DYNLT2: variants seen among roughly 807,000 people sequenced by gnomAD.
DYNLT2 encodes dynein light chain Tctex-type protein 2.
Under a neutral mutation model 24.3 loss-of-function variants are expected in DYNLT2, and 24 were observed. The observed-to-expected ratio is 0.99, with a 90% CI of 0.71 to 1.39. The LOEUF is 1.39. Ranked by LOEUF, DYNLT2 falls within the 40% of genes most tolerant of loss-of-function variation. DYNLT2 has a pLI of 0.00. For missense variants in DYNLT2, 246 were observed against 234.5 expected, an observed-to-expected ratio of 1.05 and a Z score of -0.32; for synonymous variants, 85 against 85.4, an observed-to-expected ratio of 1.00 and a Z score of 0.03.
chr6:169,748,540 A>C (rs1315941756), intron 1 of DYNLT2, among the ~76,000 whole-genome samples: 2 of 152,198 alleles, frequency 1.3e-5, no homozygotes, highest in East Asian at 3.8e-4. Context: ...CCTCACATAA[A>C]TAAATCTCTT....
At chr6:169,751,210 G>A in intron 1 of DYNLT2, 129 bp downstream of exon 1, 2 of 1,409,604 alleles carry the variant, frequency 1.4e-6, no homozygotes, top group Non-Finnish European at 1.9e-6. Context: ...GGGGAAAAAA[G>A]AAACACAAAA....
chr6:169,725,661 C>A, the DYNLT2 span: 3,995 of 196,018 alleles, frequency 0.02, 62 homozygotes, highest in Non-Finnish European at 0.026. Flanking sequence ...AAAACAAAAA[C>A]AAAAAAAAAC....
chr6:169,726,499 C>T, the DYNLT2 span, among the ~76,000 whole-genome samples: 6 of 152,176 alleles, frequency 3.9e-5, no homozygotes, highest in South Asian at 4.1e-4. Context: ...GTACATCAAT[C>T]GTTCCAGTTT....
chr6:169,732,935 C>T, the DYNLT2 span, among the ~76,000 whole-genome samples: 1,369 of 152,268 alleles, frequency 9.0e-3, 17 homozygotes, highest in African/African-American at 0.031. Flanking sequence ...TCTACAGCCT[C>T]GCCAGCATCC....
At chr6:169,732,652 T>C in the DYNLT2 span, among the ~76,000 whole-genome samples, 1 of 152,266 alleles carries the variant, frequency 6.6e-6, no homozygotes, top group Admixed American at 6.5e-5. Context: ...CCATGGTGTA[T>C]ATGTACCACA....
chr6:169,731,744 A>C, the DYNLT2 span, among the ~76,000 whole-genome samples: 4 of 152,236 alleles, frequency 2.6e-5, no homozygotes, highest in South Asian at 8.3e-4. Context: ...TGGAAAATTG[A>C]AGCTATTTTG....
chr6:169,735,654 G>T (rs1269375688), downstream of DYNLT2, among the ~76,000 whole-genome samples: 1 of 152,154 alleles, frequency 6.6e-6, no homozygotes, highest in Non-Finnish European at 1.5e-5. Flanking sequence ...AAGACTGTTT[G>T]TTATGATTTC....
intron 1 of DYNLT2, chr6:169,750,645 T>C (rs1789976930): frequency 6.6e-6 from 1 of 152,250 alleles, no homozygotes; most frequent in African/African-American, 2.4e-5. Flanking sequence ...GTCCCAGCTC[T>C]ATCATTACAG....
the DYNLT2 span, among the ~76,000 whole-genome samples, chr6:169,730,770 C>T: frequency 6.6e-6 from 1 of 152,064 alleles, no homozygotes; most frequent in Non-Finnish European, 1.5e-5. Flanking sequence ...TGGTGGCAGG[C>T]GCCTGTAGTC....
intron 1 of DYNLT2, chr6:169,750,240 A>C (rs1789940189): frequency 6.6e-6 from 1 of 152,154 alleles, no homozygotes; most frequent in African/African-American, 2.4e-5. Flanking sequence ...AATATATAGA[A>C]ATTTTTCTTT....
At chr6:169,743,692 T>C (rs927958326) in intron 2 of DYNLT2, among the ~76,000 whole-genome samples, 5 of 152,238 alleles carry the variant, frequency 3.3e-5, no homozygotes, top group African/African-American at 1.2e-4. Flanking sequence ...TGGGCTCATA[T>C]TAAAACTACT....
chr6:169,747,082 A>C (rs140115317), intron 1 of DYNLT2, among the ~76,000 whole-genome samples: 150 of 151,770 alleles, frequency 9.9e-4, no homozygotes, highest in African/African-American at 3.5e-3. Flanking sequence ...ACGATATTTT[A>C]GCTGAGTATA....
rs202026761 is a variant in DYNLT2, at chr6:169,744,125, C to T, written c.270G>A (p.Glu90=). The T allele has an allele frequency of 4.4e-5, 71 of 1,613,124 alleles. 1 individual carries two copies. In the South Asian group the frequency reaches 7.4e-4, roughly 17 times the overall value. Residue 90 remains glutamate, a synonymous_variant, in exon 2 of 4, where the codon GAG becomes GAA. Coordinates refer to ENST00000366774, the MANE Select transcript of DYNLT2 (RefSeq NM_174910.3). ...KLKFANSYRM[E]PLKKFQAHSV... is the part of the protein sequence containing the mutation. ...AATGAGCTTGGAATTTCTTCAATGGCTCCATTCTATATGAATTAGCAAACT... is the reference window on the plus strand; with the variant it reads ...AATGAGCTTGGAATTTCTTCAATGGTTCCATTCTATATGAATTAGCAAACT...
intron 1 of DYNLT2, among the ~76,000 whole-genome samples, chr6:169,746,953 T>G (rs1366079255): frequency 6.7e-6 from 1 of 149,736 alleles, no homozygotes; most frequent in Non-Finnish European, 1.5e-5. Flanking sequence ...CTTGTTAATC[T>G]ACTTTTGGGG....
chr6:169,736,964 T>G (rs1463874399), downstream of DYNLT2, among the ~76,000 whole-genome samples: 1 of 152,250 alleles, frequency 6.6e-6, no homozygotes, highest in Non-Finnish European at 1.5e-5. Flanking sequence ...CAATCGTAGG[T>G]TTGGCCTTTT....
chr6:169,740,181 T>C lies in DYNLT2; in HGVS notation c.*4A>G, dbSNP rs1789644744. On this transcript the variant is annotated 3_prime_UTR_variant, in exon 4 of 4. Transcript: ENST00000366774. ...AGTAAACAATCCTTAGTACCTGTAA[T>C]GAGCTATTCATAATAAAGGGCAAAC... 1 of 1,583,568 alleles carries C rather than the reference T, an allele frequency of 6.3e-7. No homozygotes were observed. The highest frequency in any genetic ancestry group is 8.7e-7 in the Non-Finnish European group (1 of 1,152,792).
In DYNLT2 at chr6:169,751,252, G is replaced by C; in HGVS notation, c.120+87C>G. ...TGCTGCCTCCTTGGCTCTGGGGGTGGTGACGGGAGCGGGGCCCACTGGGGA... is the reference window on the plus strand; with the variant it reads ...TGCTGCCTCCTTGGCTCTGGGGGTGCTGACGGGAGCGGGGCCCACTGGGGA... On this transcript the variant is annotated intron_variant, in intron 1 of 3. Coordinates refer to ENST00000366774, the MANE Select transcript of DYNLT2 (RefSeq NM_174910.3). The C allele has an allele frequency of 7.9e-6, 12 of 1,521,946 alleles. No individual in the cohort carries two copies. In the South Asian group the frequency reaches 1.4e-4, roughly 18 times the overall value. The allele number at this position is 1,521,946 out of a possible 1,614,324, so 94.3% of individuals were successfully genotyped here. A position where few individuals can be genotyped will look rare whatever the true frequency, so the allele number is the denominator to read the frequency against.
intron 1 of DYNLT2, among the ~76,000 whole-genome samples, chr6:169,745,676 A>C (rs966994469): frequency 8.5e-5 from 13 of 152,142 alleles, no homozygotes; most frequent in Admixed American, 7.9e-4. Context: ...TCAGTTTGCT[A>C]GTATTTCGTT....
intron 1 of DYNLT2, among the ~76,000 whole-genome samples, chr6:169,745,107 T>G (rs1004021591): frequency 3.3e-4 from 50 of 152,186 alleles, no homozygotes; most frequent in African/African-American, 1.2e-3. Context: ...GTTTGTTTTT[T>G]TTTTTGAGAC....
Sources: gnomAD v4.1 joint callset for allele counts (sites outside exome capture counted in the v4.1 genomes callset) on GRCh38, gnomAD v4.1.1 for gene constraint, MANE v1.5 for transcripts, NCBI Gene and HGNC (gene_info 2026-07-23, HGNC 2026-07-21) for gene names.